MBTPS2: variants seen among roughly 807,000 people sequenced by gnomAD.
MBTPS2 encodes the protein membrane bound transcription factor peptidase, site 2.
Under a neutral mutation model 35.4 loss-of-function variants are expected in MBTPS2, and 2 were observed. The observed-to-expected ratio is 0.06, with a 90% CI of 0.02 to 0.18. The LOEUF is 0.18. Ranked by LOEUF, MBTPS2 falls within the 10% of genes least tolerant of loss-of-function variation. The pLI is 1.00. For synonymous variants in MBTPS2, 125 were observed against 140.4 expected (o/e 0.89, Z 0.77); for missense variants, 244 against 386.5 (o/e 0.63, Z 3.09).
chrX:21,881,676 C>A (rs1320047021), intron 10 of MBTPS2, among the ~76,000 whole-genome samples: 1 of 111,373 alleles, frequency 9.0e-6, no homozygotes, highest in African/African-American at 3.3e-5. Context: ...TGGCTCACAC[C>A]TGTAATCCCA....
intron 3 of MBTPS2, among the ~76,000 whole-genome samples, chrX:21,851,073 A>G (rs1376889546): frequency 8.9e-6 from 1 of 111,778 alleles, no homozygotes; most frequent in Non-Finnish European, 1.9e-5. Flanking sequence ...GAACCTTGCA[A>G]TAACAATTCA....
At chrX:21,865,467 T>C (rs1001350953) in intron 5 of MBTPS2, among the ~76,000 whole-genome samples, 2 of 112,206 alleles carry the variant, frequency 1.8e-5, no homozygotes, top group African/African-American at 3.2e-5. Flanking sequence ...ATAGTGGAAG[T>C]AAAATTTGAC....
Position 21,882,448 on chromosome X carries a change from C to T in MBTPS2, c.1353C>T (p.Leu451=). ...TTTAACCCAGGTACCTGATTTCCCT[C>T]TCAGGAGCTCTGGCTATTGTTAATG... ...VETFVKYLIS[L]SGALAIVNAV... Residue 451 remains leucine, a synonymous_variant, in exon 11 of 11, where the codon CTC becomes CTT. Transcript: ENST00000379484. The T allele has an allele frequency of 5.8e-6, 7 of 1,209,752 alleles. No homozygotes were observed. The highest frequency in any genetic ancestry group is 7.8e-6 in the Non-Finnish European group (7 of 893,474).
chrX:21,869,430 T>C (rs2092944409), intron 6 of MBTPS2, 68 bp from the exon 7 acceptor site: 1 of 826,890 alleles, frequency 1.2e-6, no homozygotes, highest in African/African-American at 2.0e-5. Context: ...AGTGTCTTTA[T>C]TATTTGCTCA....
rs1399362703 is a variant in MBTPS2, at chrX:21,845,189, G to A, written c.243G>A (p.Val81=). The change falls in exon 3 of 11, where the codon GTG becomes GTA. Residue 81 remains valine, a synonymous_variant. Transcript: ENST00000379484. ...TTGACAGGTTCAATTTTGGAATGGT[G>A]TTTGGCGTAATTGCCATGTTTAGCT... The part of the protein sequence containing the change: ...MLYQWFNFGM[V]FGVIAMFSSF... 1 of 1,209,017 alleles carries A rather than the reference G, an allele frequency of 8.3e-7. No homozygotes were observed. Among genetic ancestry groups the A allele is most frequent in the East Asian group, 3.0e-5 (1 of 33,793 alleles).
In MBTPS2 at chrX:21,869,554, A is replaced by G. The variant is rs144578691; in HGVS notation, c.846A>G (p.Leu282=). Residue 282 remains leucine (L), a synonymous_variant, in exon 7 of 11, where the codon CTA becomes CTG. Coordinates refer to ENST00000379484, the MANE Select transcript of MBTPS2 (RefSeq NM_015884.4). ...TTGTGGGAGACCTTGTCACCCATCT[A>G]CAGGATTGTCCTGTTACTAATGTGC... The part of the protein sequence containing the change: ...GLFVGDLVTH[L]QDCPVTNVQD... 1.0e-3 allele frequency: 1,251 copies of G among 1,208,837 alleles called. 1 individual carries two copies. The highest frequency in any genetic ancestry group is 1.3e-3 in the Non-Finnish European group (1,154 of 894,124).
intron 9 of MBTPS2, among the ~76,000 whole-genome samples, chrX:21,879,409 T>C (rs2092956555): frequency 9.0e-6 from 1 of 110,909 alleles, no homozygotes; most frequent in Non-Finnish European, 1.9e-5. Flanking sequence ...GCCTCCCAAG[T>C]AGCTGGGACT....
Position 21,883,341 on chromosome X carries a change from C to A in MBTPS2, c.*686C>A, listed in dbSNP as rs2092961371. On this transcript the variant is annotated 3_prime_UTR_variant, in exon 11 of 11. Transcript: ENST00000379484. ...CATCTTTTATAAGGTGTCTCTGCCCCCTCATAAAGCAGCACTAGCTTTGAC... is the reference window on the plus strand; with the variant it reads ...CATCTTTTATAAGGTGTCTCTGCCCACTCATAAAGCAGCACTAGCTTTGAC... 1 of 755,136 alleles carries A rather than the reference C, an allele frequency of 1.3e-6. No homozygotes were observed. The highest frequency in any genetic ancestry group is 2.3e-5 in the African/African-American group (1 of 43,738). 62.2% of individuals were successfully genotyped at this position (755,136 alleles called of 1,213,427 possible).
intron 5 of MBTPS2, among the ~76,000 whole-genome samples, chrX:21,863,383 A>G (rs2092935625): frequency 9.0e-6 from 1 of 110,718 alleles, no homozygotes; most frequent in African/African-American, 3.3e-5. Flanking sequence ...ATTATTACAC[A>G]TGTATACTCA....
chrX:21,855,287 G>A (rs983538917), intron 5 of MBTPS2, among the ~76,000 whole-genome samples: 5 of 111,163 alleles, frequency 4.5e-5, no homozygotes, highest in Non-Finnish European at 9.4e-5. Context: ...AATTATAAGT[G>A]TTGTTTGCTC....
Position 21,859,380 on chromosome X carries a change from A to G in MBTPS2, c.670+5877A>G, listed in dbSNP as rs74319177. ...TTGTTTTAATCTTGGTTGTATTATT[A>G]GATGTTAACACATCTTGCATTTTAG... On this transcript the variant is annotated intron_variant, in intron 5 of 10. Transcript: ENST00000379484. 4.0e-3 allele frequency among the ~76,000 whole-genome samples: 244 copies of G among 60,713 alleles called. 6 individuals are homozygous for G. Among genetic ancestry groups the G allele is most frequent in the Middle Eastern group, 0.016 (2 of 126 alleles). 52.7% of individuals were successfully genotyped at this position (60,713 alleles called of 115,157 possible).
intron 8 of MBTPS2, 129 bp from the exon 9 acceptor site, chrX:21,878,368 C>T (rs998561927): frequency 4.0e-5 from 22 of 548,063 alleles, no homozygotes; most frequent in Non-Finnish European, 6.8e-5. Flanking sequence ...AGTAGATGCA[C>T]ATAAATGGCA....
At chrX:21,869,852 T>G in intron 7 of MBTPS2, 174 bp downstream of exon 7, 1 of 441,437 alleles carries the variant, frequency 2.3e-6, no homozygotes, top group Admixed American at 3.8e-5. Context: ...TGCTAATATG[T>G]GTTTCCTTTA....
At chrX:21,873,991 G>A (rs1294241691) in intron 7 of MBTPS2, among the ~76,000 whole-genome samples, 3 of 66,266 alleles carry the variant, frequency 4.5e-5, no homozygotes, top group African/African-American at 1.9e-4. Flanking sequence ...GTGTGTGTGT[G>A]TGTGTGTGTG....
chrX:21,847,202 G>T (rs1281704743), intron 3 of MBTPS2, among the ~76,000 whole-genome samples: 1 of 111,629 alleles, frequency 9.0e-6, no homozygotes, highest in African/African-American at 3.3e-5. Flanking sequence ...GTTTAGAGAA[G>T]AAATTATTTC....
At chrX:21,857,139 C>A (rs781222439) in intron 5 of MBTPS2, 7 of 1,210,267 alleles carry the variant, frequency 5.8e-6, no homozygotes, top group South Asian at 3.5e-5. Context: ...AGGGAAGAAA[C>A]TTCCTCCTGG....
intron 5 of MBTPS2, among the ~76,000 whole-genome samples, chrX:21,863,200 G>A (rs1602146797): frequency 1.0e-5 from 1 of 97,122 alleles, no homozygotes; most frequent in African/African-American, 3.7e-5. Flanking sequence ...CCCAGGAGGC[G>A]GAGGTTTCAG....
chrX:21,846,716 A>G (rs955584963), intron 3 of MBTPS2, among the ~76,000 whole-genome samples: 1 of 112,169 alleles, frequency 8.9e-6, no homozygotes, highest in African/African-American at 3.2e-5. Flanking sequence ...AGGAACTATA[A>G]GTAATTTTAC....
intron 8 of MBTPS2, 37 bp from the exon 9 acceptor site, chrX:21,878,460 C>A (rs750991410): frequency 2.7e-5 from 28 of 1,036,576 alleles, no homozygotes; most frequent in Non-Finnish European, 3.5e-5. Context: ...TTTTCTTAAT[C>A]ATTTTTAATA....
Sources: allele counts gnomAD v4.1 joint callset (sites outside exome capture counted in the v4.1 genomes callset), GRCh38; gene constraint gnomAD v4.1.1; transcripts MANE v1.5; gene names NCBI Gene and HGNC (gene_info 2026-07-23, HGNC 2026-07-21).